The following TRAFD1 variants were observed in gnomAD, a reference collection of about 807,000 sequenced individuals.
TRAFD1 encodes TRAF-type zinc finger domain-containing protein 1.
Under a neutral mutation model 65.3 loss-of-function variants are expected in TRAFD1, and 38 were observed. The ratio of observed to expected loss-of-function variants is 0.58; its 90% confidence interval spans 0.45 to 0.76. The LOEUF is 0.76. TRAFD1 is among the 30% of genes least tolerant of loss of function. The pLI, the probability that TRAFD1 is intolerant of heterozygous loss-of-function variation, is 0.00. For missense variants in TRAFD1, 631 were observed against 712.6 expected (o/e 0.89, Z 1.30); for synonymous variants, 223 against 257.2 (o/e 0.87, Z 1.27).
chr12:112,128,004 A>C (rs550526718), intron 1 of TRAFD1, among the ~76,000 whole-genome samples: 1 of 145,940 alleles, frequency 6.9e-6, no homozygotes, highest in African/African-American at 2.5e-5. Context: ...CACCTGGCCC[A>C]CAGTATTGTC....
chr12:112,130,643 A>G lies in TRAFD1; in HGVS notation c.47+74A>G, dbSNP rs2079563033. 7.2e-7 allele frequency: 1 copy of G among 1,394,878 alleles called. No homozygotes were observed. The highest frequency in any genetic ancestry group is 2.3e-5 in the East Asian group (1 of 42,862). The allele number at this position is 1,394,878 out of a possible 1,614,324, so 86.4% of individuals were successfully genotyped here. On this transcript the variant is annotated intron_variant, in intron 2 of 11. Coordinates refer to ENST00000412615, the MANE Select transcript of TRAFD1 (RefSeq NM_006700.3). The surrounding 1 kb of genome is among the most constrained non-coding windows in gnomAD (Gnocchi z 4.4). The stretch of plus-strand genomic sequence containing the variant: ...TTAATCACTATCATTTCCTGATTTA[A>G]AAACTGTTAGTGAAGACTGGCACAG...
intron 4 of TRAFD1, among the ~76,000 whole-genome samples, chr12:112,135,281 T>A (rs967503425): frequency 1.3e-5 from 2 of 152,228 alleles, no homozygotes; most frequent in African/African-American, 4.8e-5. Context: ...ACTCGCGAAG[T>A]ATCTCCCTTT....
chr12:112,128,529 A>G (rs2079552197), intron 1 of TRAFD1, among the ~76,000 whole-genome samples: 1 of 152,202 alleles, frequency 6.6e-6, no homozygotes, highest in South Asian at 2.1e-4. Context: ...AGCAGGAGAA[A>G]CTTTATAGTG....
At position 112,142,251 on chromosome 12, in the gene TRAFD1, C is replaced by T. The variant is rs1296945011; in HGVS notation, c.806C>T (p.Ala269Val). The change falls in exon 6 of 12, where the codon GCC (alanine) becomes GTC (valine). Residue 269 changes from alanine to valine, a missense_variant. By Grantham distance (64) the Ala-to-Val change is moderately conservative. Coordinates refer to ENST00000412615, the MANE Select transcript of TRAFD1 (RefSeq NM_006700.3). ...EQDFWRAVCE[A>V]DQSHGGPRSL... The stretch of plus-strand genomic sequence containing the variant: ...GACTTCTGGAGGGCCGTATGTGAGG[C>T]CGACCAGTCTCATGGCGGTCCCAGG... 6 of 1,613,798 alleles carry T rather than the reference C, an allele frequency of 3.7e-6. No homozygotes were observed. The highest frequency in any genetic ancestry group is 5.1e-6 in the Non-Finnish European group (6 of 1,179,842).
chr12:112,134,919 T>C (rs1266866745), intron 3 of TRAFD1, 46 bp downstream of exon 3: 1 of 1,611,312 alleles, frequency 6.2e-7, no homozygotes, highest in South Asian at 1.1e-5. Context: ...TTATACTTGC[T>C]GTTGTTCGTA....
At chr12:112,134,340 C>T (rs1452921406) in intron 2 of TRAFD1, among the ~76,000 whole-genome samples, 5 of 141,188 alleles carry the variant, frequency 3.5e-5, no homozygotes, top group Non-Finnish European at 7.6e-5. Context: ...ATAGCAACCT[C>T]TGCCTCCTGG....
At chr12:112,136,660 A>G (rs1309475380) in intron 4 of TRAFD1, among the ~76,000 whole-genome samples, 1 of 152,160 alleles carries the variant, frequency 6.6e-6, no homozygotes, top group South Asian at 2.1e-4. Context: ...ATGCAATGGC[A>G]TGATCATAAC....
At chr12:112,132,512 A>C (rs763693484) in intron 2 of TRAFD1, among the ~76,000 whole-genome samples, 2 of 152,220 alleles carry the variant, frequency 1.3e-5, no homozygotes, top group Non-Finnish European at 2.9e-5. Context: ...TTTCCTTAGA[A>C]AGCTAAAAAT....
chr12:112,134,738 CA>C lies in TRAFD1; in HGVS notation c.54del (p.Glu19LysfsTer44). On this transcript the variant is annotated frameshift_variant and splice_region_variant, in exon 3 of 12. Coordinates refer to ENST00000412615, the MANE Select transcript of TRAFD1 (RefSeq NM_006700.3). LOFTEE classifies it high-confidence loss of function. ...CTTTTTCTTTGGTCTATTTCCGTAG[CA>C]AAAAAGAAATTCCTGTGTTTAACTT... is the stretch of plus-strand genomic sequence containing the variant. ...DQETRLCDNC[K>X]KEIPVFNFTI... 6.2e-7 allele frequency: 1 copy of C among 1,610,892 alleles called. No individual in the cohort carries two copies. Among genetic ancestry groups the C allele is most frequent in the Non-Finnish European group, 8.5e-7 (1 of 1,177,306 alleles).
Position 112,152,042 on chromosome 12 carries a change from C to T in TRAFD1, c.1521C>T (p.Ala507=). The T allele has an allele frequency of 6.2e-7, 1 of 1,614,206 alleles. No homozygotes were observed. Among genetic ancestry groups the T allele is most frequent in the Non-Finnish European group, 8.5e-7 (1 of 1,180,036 alleles). The part of the protein sequence containing the change: ...RNRDSQNGAI[A]PGHVSVIRPP... ...GAGACAGCCAGAATGGGGCCATAGC[C>T]CCTGGGCACGTTTCAGTGATTCGCC... The change falls in exon 10 of 12, where the codon GCC becomes GCT. Residue 507 remains alanine (A), a synonymous_variant. Coordinates refer to ENST00000412615, the MANE Select transcript of TRAFD1 (RefSeq NM_006700.3). The surrounding 1 kb of genome is among the most constrained non-coding windows in gnomAD (Gnocchi z 5.0).
chr12:112,143,636 CATTTT>C (rs1217347680), intron 6 of TRAFD1, among the ~76,000 whole-genome samples: 1 of 151,720 alleles, frequency 6.6e-6, no homozygotes, highest in Non-Finnish European at 1.5e-5. Context: ...TTATATATTT[CATTTT>C]GAGTTCTGTT....
At position 112,141,023 on chromosome 12, in the gene TRAFD1, A is replaced by G. The variant is rs751454794; in HGVS notation, c.442A>G (p.Ile148Val). Reference sequence around the variant, plus strand: ...GGAGGAAAAGAGAAATGAGGTTGCCATACCTCCTAATGCATATGATGAATC... The same window carrying G: ...GGAGGAAAAGAGAAATGAGGTTGCCGTACCTCCTAATGCATATGATGAATC... ...EGEEKRNEVA[I>V]PPNAYDESWG... The change falls in exon 5 of 12, where the codon ATA becomes GTA. Residue 148 changes from isoleucine (I) to valine (V), a missense_variant. Transcript: ENST00000412615. 9 of 1,614,120 alleles carry G rather than the reference A, an allele frequency of 5.6e-6. No individual in the cohort carries two copies. The highest frequency in any genetic ancestry group is 7.6e-6 in the Non-Finnish European group (9 of 1,180,032).
Position 112,148,238 on chromosome 12 carries a change from G to C in TRAFD1, c.1092G>C (p.Glu364Asp). The C allele has an allele frequency of 6.2e-7, 1 of 1,614,184 alleles. No homozygotes were observed. Among genetic ancestry groups the C allele is most frequent in the Non-Finnish European group, 8.5e-7 (1 of 1,180,030 alleles). Residue 364 changes from glutamate (E) to aspartate (D), a missense_variant, in exon 8 of 12, where the codon GAG becomes GAC. By Grantham distance (45) the Glu-to-Asp change is conservative. Transcript: ENST00000412615. Reference sequence around the variant, plus strand: ...TGAGCAATTCACACCCTGTGGAGGAGAGCATCATTATCCCATGTGAATTCT... The same window carrying C: ...TGAGCAATTCACACCCTGTGGAGGACAGCATCATTATCCCATGTGAATTCT... ...MGLSNSHPVE[E>D]SIIIPCEFCG...
chr12:112,141,954 G>C, intron 5 of TRAFD1, 135 bp from the exon 6 acceptor site: 1 of 897,834 alleles, frequency 1.1e-6, no homozygotes, highest in Non-Finnish European at 1.7e-6. Flanking sequence ...AGGGTGAAGA[G>C]AGCTAGTTGA....
rs1034073462 is a variant in TRAFD1 at position 112,137,542 on chromosome 12, C to T, written c.237+2476C>T. Among the ~76,000 whole-genome samples the T allele has an allele frequency of 4.0e-5, 6 of 151,674 alleles. No homozygotes were observed. The highest frequency in any genetic ancestry group is 5.9e-5 in the Non-Finnish European group (4 of 67,900). On this transcript the variant is annotated intron_variant, in intron 4 of 11. Coordinates refer to ENST00000412615, the MANE Select transcript of TRAFD1 (RefSeq NM_006700.3). This position sits in a 1 kb window ranked among gnomAD's most constrained non-coding sequence, Gnocchi z 4.2. ...CTTTGGGAGGCTGAGGCGGGCGGAT[C>T]ACGAGGTCAGAAGATTGAGACCATC...
chr12:112,141,342 A>G, intron 5 of TRAFD1, 118 bp downstream of exon 5: 7 of 1,175,254 alleles, frequency 6.0e-6, no homozygotes, highest in Non-Finnish European at 8.3e-6. Context: ...GCTGAGTAAC[A>G]CTGGGAAGAA....
intron 9 of TRAFD1, 24 bp downstream of exon 9, chr12:112,149,895 C>G (rs1209007865): frequency 2.4e-5 from 39 of 1,613,256 alleles, no homozygotes; most frequent in Non-Finnish European, 3.1e-5. Flanking sequence ...AGGACTCAGC[C>G]AAGGCCGCAG....
intron 4 of TRAFD1, among the ~76,000 whole-genome samples, chr12:112,136,934 T>C (rs1183770229): frequency 3.9e-5 from 6 of 152,168 alleles, no homozygotes; most frequent in Non-Finnish European, 8.8e-5. Flanking sequence ...TTCACCAATT[T>C]AAAAATCCAG....
intron 4 of TRAFD1, among the ~76,000 whole-genome samples, chr12:112,136,744 C>T (rs1269506757): frequency 6.6e-6 from 1 of 152,116 alleles, no homozygotes; most frequent in Non-Finnish European, 1.5e-5. Context: ...GGCCTCTATG[C>T]CTGACTAATT....
Sources: allele counts gnomAD v4.1 joint callset (sites outside exome capture counted in the v4.1 genomes callset), GRCh38; gene constraint gnomAD v4.1.1; non-coding constraint Gnocchi (gnomAD v3.1); transcripts MANE v1.5; gene names NCBI Gene and HGNC (gene_info 2026-07-23, HGNC 2026-07-21).